COL4A6: variants seen among roughly 807,000 people sequenced by gnomAD.
The protein encoded by COL4A6 is collagen alpha-6(IV) chain.
A neutral mutation model predicts 126.7 loss-of-function variants in COL4A6; 59 were observed. The observed-to-expected ratio is 0.47, with a 90% confidence interval of 0.38 to 0.58. COL4A6 has a LOEUF of 0.58. Ranked by LOEUF, COL4A6 falls within the 20% of genes least tolerant of loss-of-function variation. The pLI is 0.00. For synonymous variants in COL4A6, 547 were observed against 496.6 expected, an observed-to-expected ratio of 1.10 and a Z score of -1.35; for missense variants, 1,285 against 1,337.3, an observed-to-expected ratio of 0.96 and a Z score of 0.61.
At chrX:108,172,639 T>C in intron 31 of COL4A6, 107 bp from the exon 32 acceptor site, 2 of 595,499 alleles carry the variant, frequency 3.4e-6, no homozygotes, top group South Asian at 8.6e-5. Context: ...GTCCATCATG[T>C]ATTCTGTGGC....
intron 7 of COL4A6, among the ~76,000 whole-genome samples, chrX:108,210,304 A>T (rs192152221): frequency 8.9e-6 from 1 of 112,281 alleles, no homozygotes; most frequent in East Asian, 2.8e-4. Context: ...TCAATTAGAA[A>T]CTACTTCTGT....
Position 108,328,557 on chromosome X carries a change from A to G in COL4A6, c.64-17729T>C, listed in dbSNP as rs1031651292. 2.4e-4 allele frequency among the ~76,000 whole-genome samples: 27 copies of G among 112,214 alleles called. 1 individual carries two copies. Among genetic ancestry groups the G allele is most frequent in the African/African-American group, 8.7e-4 (27 of 30,917 alleles). ...AACAAATCAAAACTGTGGGAAACTT[A>G]CAAGACAAAATGATCCAGTTTTTTC... On this transcript the variant is annotated intron_variant, in intron 2 of 44. Coordinates refer to ENST00000334504, the MANE Select transcript of COL4A6 (RefSeq NM_033641.4).
chrX:108,402,041 T>C (rs2041099729), intron 2 of COL4A6, among the ~76,000 whole-genome samples: 1 of 111,623 alleles, frequency 9.0e-6, no homozygotes, highest in Non-Finnish European at 1.9e-5. Flanking sequence ...GTTACATTTA[T>C]GTTCATAAAA....
intron 2 of COL4A6, among the ~76,000 whole-genome samples, chrX:108,362,723 C>T (rs1213800420): frequency 8.9e-6 from 1 of 111,835 alleles, no homozygotes; most frequent in Non-Finnish European, 1.9e-5. Context: ...CCTATTGATC[C>T]TAGCTCTAGT....
intron 2 of COL4A6, among the ~76,000 whole-genome samples, chrX:108,421,127 G>A (rs1232522325): frequency 1.8e-5 from 2 of 112,292 alleles, no homozygotes; most frequent in Non-Finnish European, 3.8e-5. Context: ...CTAATGAACA[G>A]CAGTGCAGGA....
chrX:108,166,364 T>C lies in COL4A6; in HGVS notation c.3692-878A>G, dbSNP rs746033161. 1.1e-4 allele frequency among the ~76,000 whole-genome samples: 12 copies of C among 112,691 alleles called. No homozygotes were observed. The South Asian group carries it at 4.4e-3, about 41-fold the overall frequency. On this transcript the variant is annotated intron_variant, in intron 37 of 44. Coordinates refer to ENST00000334504, the MANE Select transcript of COL4A6 (RefSeq NM_033641.4). ...TATTATACATGTAGCATGGAAGATA[T>C]ATATTTATTACTTTGGGATATTCTA...
intron 2 of COL4A6, among the ~76,000 whole-genome samples, chrX:108,429,805 C>T (rs752459814): frequency 2.4e-4 from 27 of 112,164 alleles, no homozygotes; most frequent in Non-Finnish European, 4.9e-4. Context: ...AGAGTGCTTT[C>T]TCTTAAACAT....
chrX:108,339,492 C>T (rs1239242788), intron 2 of COL4A6, among the ~76,000 whole-genome samples: 1 of 111,376 alleles, frequency 9.0e-6, no homozygotes, highest in Non-Finnish European at 1.9e-5. Flanking sequence ...TCAGGCCTCA[C>T]CCTCACCCTC....
intron 3 of COL4A6, among the ~76,000 whole-genome samples, chrX:108,247,112 C>T (rs774868436): frequency 9.0e-6 from 1 of 110,551 alleles, no homozygotes; most frequent in South Asian, 4.0e-4. Flanking sequence ...TTTCCCACAA[C>T]TCACCTCTCA....
chrX:108,270,196 T>C (rs2037411696), intron 3 of COL4A6, among the ~76,000 whole-genome samples: 1 of 112,287 alleles, frequency 8.9e-6, no homozygotes, highest in Non-Finnish European at 1.9e-5. Context: ...CTTCTAAGTG[T>C]GGCAAATTGC....
chrX:108,289,976 A>G (rs749080047), intron 3 of COL4A6, among the ~76,000 whole-genome samples: 1 of 111,665 alleles, frequency 9.0e-6, no homozygotes, highest in South Asian at 3.8e-4. Flanking sequence ...GTTACTAATC[A>G]GTGTCCCCCT....
intron 3 of COL4A6, among the ~76,000 whole-genome samples, chrX:108,277,341 C>T (rs1418434845): frequency 3.6e-5 from 4 of 111,979 alleles, no homozygotes; most frequent in African/African-American, 6.5e-5. Context: ...GATTATATCC[C>T]GCACATGGCT....
chrX:108,379,626 C>T (rs1215533877), intron 2 of COL4A6, among the ~76,000 whole-genome samples: 1 of 107,813 alleles, frequency 9.3e-6, no homozygotes, highest in Non-Finnish European at 1.9e-5. Context: ...TGCTGAGACT[C>T]TGACTGATTT....
chrX:108,303,901 G>A (rs73636397), intron 3 of COL4A6, among the ~76,000 whole-genome samples: 6,776 of 111,402 alleles, frequency 0.061, 423 homozygotes, highest in African/African-American at 0.19. Context: ...ATCACCTTCC[G>A]TATCTCACTT....
At chrX:108,310,658 G>A in intron 3 of COL4A6, 90 bp downstream of exon 3, 2 of 808,675 alleles carry the variant, frequency 2.5e-6, no homozygotes, top group South Asian at 4.6e-5. Flanking sequence ...GAGGTCATAA[G>A]AGTAAATTCT....
intron 43 of COL4A6, 96 bp from the exon 44 acceptor site, chrX:108,159,844 A>T: frequency 1.1e-6 from 1 of 928,591 alleles, no homozygotes; most frequent in Non-Finnish European, 1.6e-6. Context: ...CTTGCACCAG[A>T]CTGAGGCAGC....
At chrX:108,169,185 C>A (rs1275673404) in intron 37 of COL4A6, among the ~76,000 whole-genome samples, 1 of 111,523 alleles carries the variant, frequency 9.0e-6, no homozygotes, top group Admixed American at 9.5e-5. Flanking sequence ...AAGCCCTGTC[C>A]CTCAGGACCA....
chrX:108,205,827 T>C, intron 9 of COL4A6, 132 bp from the exon 10 acceptor site: 1 of 517,485 alleles, frequency 1.9e-6, no homozygotes. Context: ...TCTAGCTGTC[T>C]TTCCTATGGT....
chrX:108,169,891 C>A (rs1437994577), intron 36 of COL4A6, 54 bp downstream of exon 36: 2 of 1,087,724 alleles, frequency 1.8e-6, no homozygotes, highest in African/African-American at 3.7e-5. Flanking sequence ...CCAGCCCTTG[C>A]CAGGCTTCTG....
Sources: allele counts gnomAD v4.1 joint callset (sites outside exome capture counted in the v4.1 genomes callset), GRCh38; gene constraint gnomAD v4.1.1; transcripts MANE v1.5; gene names NCBI Gene and HGNC (gene_info 2026-07-23, HGNC 2026-07-21).